PDE10A: variants seen among roughly 807,000 people sequenced by gnomAD.
PDE10A encodes cAMP and cAMP-inhibited cGMP 3',5'-cyclic phosphodiesterase 10A.
In PDE10A, 39 loss-of-function variants were observed where a neutral mutation model predicts 97.7. The ratio of observed to expected loss-of-function variants is 0.40; its 90% CI spans 0.31 to 0.52. PDE10A has a LOEUF of 0.52. Among genes scored for constraint, PDE10A ranks in the 20% least tolerant of loss-of-function variants. The probability of loss-of-function intolerance (pLI) is 0.56; values close to 1 mark genes in which losing one functional copy is unlikely to be tolerated. For missense variants in PDE10A, 731 were observed against 1,047.8 expected (o/e 0.70, Z 4.17); for synonymous variants, 371 against 376.8 (o/e 0.98, Z 0.18).
intron 2 of PDE10A, among the ~76,000 whole-genome samples, chr6:165,505,285 T>G (rs1419353080): frequency 1.3e-5 from 2 of 152,208 alleles, no homozygotes; most frequent in African/African-American, 2.4e-5. Context: ...AAAAACACAT[T>G]GCCTTACAAA....
At chr6:165,933,379 G>A (rs1024410369) in intron 1 of PDE10A, among the ~76,000 whole-genome samples, 4 of 152,154 alleles carry the variant, frequency 2.6e-5, no homozygotes, top group African/African-American at 4.8e-5. Flanking sequence ...CATAGCACAC[G>A]TCCATTCATT....
intron 5 of PDE10A, among the ~76,000 whole-genome samples, chr6:165,444,661 A>T (rs1199348989): frequency 6.6e-6 from 1 of 151,780 alleles, no homozygotes; most frequent in Non-Finnish European, 1.5e-5. Flanking sequence ...TTTTAATTTT[A>T]GTGCTTTTTA....
intron 1 of PDE10A, among the ~76,000 whole-genome samples, chr6:165,950,103 G>T (rs555411611): frequency 1.3e-5 from 2 of 152,236 alleles, no homozygotes; most frequent in South Asian, 4.1e-4. Flanking sequence ...TCATTGTTAG[G>T]TTATCTCCCT....
intron 1 of PDE10A, among the ~76,000 whole-genome samples, chr6:165,856,509 GTGAT>G (rs1352953935): frequency 3.3e-5 from 5 of 152,202 alleles, no homozygotes; most frequent in African/African-American, 1.2e-4. Flanking sequence ...TGAAGGCTTT[GTGAT>G]TGATAAAGAC....
Position 165,388,444 on chromosome 6 carries a change from G to A in PDE10A, c.2464C>T (p.Leu822=). The A allele has an allele frequency of 6.2e-7, 1 of 1,614,078 alleles. No homozygotes were observed. The highest frequency in any genetic ancestry group is 1.1e-5 in the South Asian group (1 of 91,086). ...TCATGACACAGACACGCAATCAGCA[G>A]TCCTTTGCGCTTTAAAAAATAATAT... ...TLFTDLERKG[L]LIACLCHDLD... The change falls in exon 17 of 22, where the codon CTG becomes TTG. Residue 822 remains leucine (L), a synonymous_variant. Transcript: ENST00000539869. The surrounding 1 kb of genome is among the most constrained non-coding windows in gnomAD (Gnocchi z 4.0).
intron 1 of PDE10A, among the ~76,000 whole-genome samples, chr6:165,648,240 C>T (rs2128423881): frequency 6.6e-6 from 1 of 152,186 alleles, no homozygotes; most frequent in East Asian, 1.9e-4. Context: ...TCTCGATCTC[C>T]TGACCTCGTG....
chr6:165,809,876 C>T (rs1779232531), intron 1 of PDE10A, among the ~76,000 whole-genome samples: 1 of 152,200 alleles, frequency 6.6e-6, no homozygotes, highest in Non-Finnish European at 1.5e-5. Context: ...TAGCTGAAAG[C>T]CCACAAACAC....
intron 1 of PDE10A, among the ~76,000 whole-genome samples, chr6:165,835,370 T>C (rs944609041): frequency 1.3e-5 from 2 of 152,338 alleles, no homozygotes; most frequent in South Asian, 2.1e-4. Context: ...CCCATTCCGC[T>C]GGTCACTGTC....
intron 13 of PDE10A, among the ~76,000 whole-genome samples, chr6:165,400,287 T>C (rs948925143): frequency 2.0e-5 from 3 of 151,568 alleles, no homozygotes; most frequent in East Asian, 3.9e-4. Flanking sequence ...GTTAGGCAAG[T>C]ATTTCTTCAA....
chr6:165,516,374 C>G (rs542439825), intron 2 of PDE10A, among the ~76,000 whole-genome samples: 1 of 152,292 alleles, frequency 6.6e-6, no homozygotes, highest in East Asian at 1.9e-4. Flanking sequence ...CCTAAATCCC[C>G]TCCTTAATTT....
intron 1 of PDE10A, among the ~76,000 whole-genome samples, chr6:165,695,539 C>A (rs1020210588): frequency 6.6e-6 from 1 of 152,160 alleles, no homozygotes; most frequent in African/African-American, 2.4e-5. Context: ...TGCCCTGCCG[C>A]CTGTTGCTGA....
intron 17 of PDE10A, among the ~76,000 whole-genome samples, chr6:165,381,045 C>A (rs1181891415): frequency 6.6e-6 from 1 of 151,940 alleles, no homozygotes; most frequent in Non-Finnish European, 1.5e-5. Context: ...ATGCTTTACT[C>A]TCTTTATCAC....
At chr6:165,803,104 A>G (rs537955613) in intron 1 of PDE10A, among the ~76,000 whole-genome samples, 1 of 152,342 alleles carries the variant, frequency 6.6e-6, no homozygotes, top group South Asian at 2.1e-4. Flanking sequence ...GAACTTGACA[A>G]TTCCATCCTT....
chr6:165,366,719 A>G (rs1487433969), intron 18 of PDE10A, among the ~76,000 whole-genome samples: 1 of 152,176 alleles, frequency 6.6e-6, no homozygotes, highest in Non-Finnish European at 1.5e-5. Context: ...AAGCAGGGAG[A>G]ACCACAGAAG....
At chr6:165,487,726 G>T (rs1027191801) in intron 2 of PDE10A, among the ~76,000 whole-genome samples, 6 of 152,104 alleles carry the variant, frequency 3.9e-5, no homozygotes, top group African/African-American at 1.4e-4. Context: ...CTGAAAAAGA[G>T]TGTCCCTCCC....
rs1181861883 is a variant in PDE10A at position 165,655,530 on chromosome 6, C to T, written c.865+6417G>A. Among the ~76,000 whole-genome samples, 2 of 151,786 alleles carry T rather than the reference C, an allele frequency of 1.3e-5. No individual in the cohort carries two copies. The highest frequency in any genetic ancestry group is 1.9e-4 in the East Asian group (1 of 5,158). On this transcript the variant is annotated intron_variant, in intron 1 of 21. Transcript: ENST00000539869. The surrounding 1 kb of genome is among the most constrained non-coding windows in gnomAD (Gnocchi z 4.5). ...AACCCACCTGCAGGTCTTATACACG[C>T]CACCTCCAAACACCTCCTGAACCAC... is the stretch of plus-strand genomic sequence containing the variant.
chr6:165,596,471 G>GT (rs1319859594), intron 1 of PDE10A, among the ~76,000 whole-genome samples: 1 of 152,214 alleles, frequency 6.6e-6, no homozygotes, highest in African/African-American at 2.4e-5. Flanking sequence ...GTTTATACCT[G>GT]TAATCCCAGC....
chr6:165,453,698 C>T (rs1188962844), intron 3 of PDE10A, among the ~76,000 whole-genome samples: 1 of 152,200 alleles, frequency 6.6e-6, no homozygotes, highest in African/African-American at 2.4e-5. Context: ...AACTTGCAGG[C>T]TTCATGAGCT....
At chr6:165,966,925 G>A (rs992248537) in intron 1 of PDE10A, among the ~76,000 whole-genome samples, 4 of 152,114 alleles carry the variant, frequency 2.6e-5, no homozygotes, top group Non-Finnish European at 5.9e-5. Flanking sequence ...AGGAGAAAGA[G>A]GGAAGAAAAA....
Sources: gnomAD v4.1 joint callset for allele counts (sites outside exome capture counted in the v4.1 genomes callset) on GRCh38, gnomAD v4.1.1 for gene constraint, Gnocchi (gnomAD v3.1) non-coding constraint, MANE v1.5 for transcripts, NCBI Gene and HGNC (gene_info 2026-07-23, HGNC 2026-07-21) for gene names.